GRIN2B: variants seen among roughly 807,000 people sequenced by gnomAD.
GRIN2B encodes the protein glutamate receptor ionotropic, NMDA 2B.
In GRIN2B, 5 loss-of-function variants were observed where a neutral mutation model predicts 114.5. The ratio of observed to expected loss-of-function variants is 0.04; its 90% CI spans 0.02 to 0.09. GRIN2B has a LOEUF of 0.09. GRIN2B is among the 10% of genes least tolerant of loss of function. GRIN2B has a pLI of 1.00. For missense variants in GRIN2B, 1,108 were observed against 1,943.5 expected (o/e 0.57, Z 8.08); for synonymous variants, 787 against 745.1 (o/e 1.06, Z -0.92).
intron 2 of GRIN2B, among the ~76,000 whole-genome samples, chr12:13,923,368 C>A (rs1038379265): frequency 2.6e-5 from 4 of 152,140 alleles, no homozygotes; most frequent in Admixed American, 2.6e-4. Context: ...CATAACGGAA[C>A]AAATCACCTA....
At chr12:13,734,342 G>C (rs553401058) in intron 4 of GRIN2B, among the ~76,000 whole-genome samples, 30 of 152,280 alleles carry the variant, frequency 2.0e-4, no homozygotes, top group Middle Eastern at 3.4e-3. Flanking sequence ...CAGGGTGATG[G>C]GCGTCTGACT....
At chr12:13,869,836 G>A (rs1257008111) in intron 2 of GRIN2B, among the ~76,000 whole-genome samples, 2 of 152,190 alleles carry the variant, frequency 1.3e-5, no homozygotes, top group Non-Finnish European at 1.5e-5. Context: ...GAGGATGGGC[G>A]AGTCACCTAA....
intron 2 of GRIN2B, among the ~76,000 whole-genome samples, chr12:13,924,724 GATATCT>G (rs1046519111): frequency 2.6e-5 from 4 of 152,176 alleles, no homozygotes; most frequent in Admixed American, 6.5e-5. Flanking sequence ...TATCTTCACT[GATATCT>G]ATATCTATAT....
At chr12:13,862,615 CTA>C (rs1486618440) in intron 3 of GRIN2B, among the ~76,000 whole-genome samples, 6 of 151,886 alleles carry the variant, frequency 4.0e-5, no homozygotes, top group African/African-American at 1.2e-4. Flanking sequence ...TGTCCCCATT[CTA>C]TGTTTGTAAA....
intron 4 of GRIN2B, among the ~76,000 whole-genome samples, chr12:13,709,278 C>T (rs1950392805): frequency 6.6e-6 from 1 of 151,928 alleles, no homozygotes; most frequent in Admixed American, 6.6e-5. Context: ...TCCAAAATTA[C>T]TCAGCATACA....
At position 13,692,760 on chromosome 12, in the gene GRIN2B, C is replaced by CTTTCTTTTTTTTTTTTT. The variant is rs1427827056; in HGVS notation, c.1011-16902_1011-16901insAAAAAAAAAAAAAGAAA. 7.9e-3 allele frequency among the ~76,000 whole-genome samples: 409 copies of CTTTCTTTTTTTTTTTTT among 51,958 alleles called. 54 individuals are homozygous for CTTTCTTTTTTTTTTTTT. Among genetic ancestry groups the CTTTCTTTTTTTTTTTTT allele is most frequent in the Non-Finnish European group, 0.011 (298 of 27,442 alleles). 34.1% of individuals were successfully genotyped at this position (51,958 alleles called of 152,430 possible). A position where few individuals can be genotyped will look rare whatever the true frequency, so the allele number is the denominator to read the frequency against. On this transcript the variant is annotated intron_variant, in intron 4 of 13. Coordinates refer to ENST00000609686, the MANE Select transcript of GRIN2B (RefSeq NM_000834.5). ...ACTTATTTTCATTAATCTTTCTTTTCTTTTTTTTTTTTTTTTTTTTTTTTT... is the reference window on the plus strand; with the variant it reads ...ACTTATTTTCATTAATCTTTCTTTTCTTTCTTTTTTTTTTTTTTTTTTTTTTTTTTTTTTTTTTTTTT...
chr12:13,978,761 C>G (rs2136880440), intron 2 of GRIN2B, among the ~76,000 whole-genome samples: 1 of 152,276 alleles, frequency 6.6e-6, no homozygotes, highest in East Asian at 1.9e-4. Flanking sequence ...AAAGGAGCAG[C>G]CCACTCACCA....
chr12:13,715,384 C>T (rs1214178647), intron 4 of GRIN2B, among the ~76,000 whole-genome samples: 1 of 151,640 alleles, frequency 6.6e-6, no homozygotes, highest in Non-Finnish European at 1.5e-5. Context: ...TTCTTTCTGG[C>T]AAGAATAAAA....
Position 13,769,432 on chromosome 12 carries a change from C to T in GRIN2B, c.412-15517G>A, listed in dbSNP as rs147887318. 2.9e-3 allele frequency among the ~76,000 whole-genome samples: 442 copies of T among 152,212 alleles called. 5 individuals carry two copies. Among genetic ancestry groups the T allele is most frequent in the African/African-American group, 0.01 (419 of 41,518 alleles). On this transcript the variant is annotated intron_variant, in intron 3 of 13. Transcript: ENST00000609686. Reference sequence around the variant, plus strand: ...CTCACCACATTCATACTCAGTGTTTCGTGCATATGCTCCCAAGTTCCCAGG... The same window carrying T: ...CTCACCACATTCATACTCAGTGTTTTGTGCATATGCTCCCAAGTTCCCAGG...
At chr12:13,851,642 C>A (rs1305420768) in intron 3 of GRIN2B, among the ~76,000 whole-genome samples, 2 of 152,158 alleles carry the variant, frequency 1.3e-5, no homozygotes, top group African/African-American at 4.8e-5. Context: ...CAAAGTCAAC[C>A]ACTACCATAC....
chr12:13,801,268 A>T (rs1367908738), intron 3 of GRIN2B, among the ~76,000 whole-genome samples: 1 of 152,200 alleles, frequency 6.6e-6, no homozygotes, highest in Non-Finnish European at 1.5e-5. Flanking sequence ...GCTGTGTAAA[A>T]CACTCTGCCA....
At chr12:13,891,182 G>T (rs776759228) in intron 2 of GRIN2B, among the ~76,000 whole-genome samples, 1 of 152,182 alleles carries the variant, frequency 6.6e-6, no homozygotes. Flanking sequence ...TGAAGACAGA[G>T]CCTCTTGAAC....
chr12:13,623,024 G>A (rs2284402), intron 5 of GRIN2B, among the ~76,000 whole-genome samples: 92,976 of 152,030 alleles, frequency 0.61, 29,203 homozygotes, highest in African/African-American at 0.71. Flanking sequence ...ATCTGTATCC[G>A]TTCAAAATAC....
At chr12:13,677,708 G>A (rs924793597) in intron 4 of GRIN2B, among the ~76,000 whole-genome samples, 1 of 151,996 alleles carries the variant, frequency 6.6e-6, no homozygotes, top group Non-Finnish European at 1.5e-5. Flanking sequence ...GCATCTCGGT[G>A]TTGGCTACTT....
chr12:13,869,231 C>CT (rs1158566763), intron 2 of GRIN2B, among the ~76,000 whole-genome samples: 13 of 126,036 alleles, frequency 1.0e-4, no homozygotes, highest in Admixed American at 3.3e-4. Context: ...TTTTCTTTTT[C>CT]TTTTTTTTTC....
At chr12:13,926,353 C>A (rs556805267) in intron 2 of GRIN2B, among the ~76,000 whole-genome samples, 1 of 152,318 alleles carries the variant, frequency 6.6e-6, no homozygotes, top group South Asian at 2.1e-4. Context: ...GGGCTATCGA[C>A]CCTTGCCTGG....
At chr12:13,744,131 C>T (rs148827162) in intron 4 of GRIN2B, among the ~76,000 whole-genome samples, 373 of 152,336 alleles carry the variant, frequency 2.4e-3, no homozygotes, top group African/African-American at 8.8e-3. Context: ...ACCATCCTTA[C>T]AGCCGTCAAG....
intron 3 of GRIN2B, among the ~76,000 whole-genome samples, chr12:13,776,709 G>T (rs1192893687): frequency 6.6e-6 from 1 of 151,988 alleles, no homozygotes; most frequent in Non-Finnish European, 1.5e-5. Context: ...TTAGAGCGGA[G>T]ACAAGAGAAT....
intron 4 of GRIN2B, among the ~76,000 whole-genome samples, chr12:13,735,909 G>T (rs200727364): frequency 1.6e-4 from 20 of 126,352 alleles, no homozygotes; most frequent in African/African-American, 4.5e-4. Context: ...TTTTTTTTTT[G>T]GAAAAAAATA....
Sources: gnomAD v4.1 joint callset for allele counts (sites outside exome capture counted in the v4.1 genomes callset) on GRCh38, gnomAD v4.1.1 for gene constraint, MANE v1.5 for transcripts, NCBI Gene and HGNC (gene_info 2026-07-23, HGNC 2026-07-21) for gene names.